The following SMIM14 variants were observed in gnomAD, a reference collection of about 807,000 sequenced individuals.
SMIM14 encodes the protein chromosome 4 open reading frame 34.
SMIM14 carries 5 observed loss-of-function variants against 12.6 expected under a neutral mutation model. The observed-to-expected ratio is 0.40, with a 90% CI of 0.21 to 0.83. The LOEUF (loss-of-function observed/expected upper bound fraction) is 0.83. SMIM14 is among the 40% of genes least tolerant of loss of function. The pLI, the probability that SMIM14 is intolerant of heterozygous loss-of-function variation, is 0.37. For missense variants in SMIM14, 86 were observed against 119.1 expected, an observed-to-expected ratio of 0.72 and a Z score of 1.29; for synonymous variants, 30 against 40.1, an observed-to-expected ratio of 0.75 and a Z score of 0.95.
At chr4:39,630,394 C>T (rs4327496) in intron 1 of SMIM14, among the ~76,000 whole-genome samples, 87,192 of 151,480 alleles carry the variant, frequency 0.58, 25,626 homozygotes, top group East Asian at 0.8. Context: ...TGACAGAGAC[C>T]CTGTTTCTAA....
intron 2 of SMIM14, chr4:39,593,836 A>G (rs1291496195): frequency 6.6e-6 from 1 of 152,216 alleles, no homozygotes; most frequent in Non-Finnish European, 1.5e-5. Flanking sequence ...CTAGGAATCC[A>G]ACTTACAAGG....
rs545137043 is a variant in SMIM14, at chr4:39,606,750, C to T, written c.-35-1570G>A. Among the ~76,000 whole-genome samples, 7 of 152,068 alleles carry T rather than the reference C, an allele frequency of 4.6e-5. No homozygotes were observed. The South Asian group carries it at 1.2e-3, about 27-fold the overall frequency. On this transcript the variant is annotated intron_variant, in intron 1 of 4. Coordinates refer to ENST00000295958, the MANE Select transcript of SMIM14 (RefSeq NM_174921.3). ...CTATCACTGGCCCAGTTTACTGCCT[C>T]GAGGAGACTCTAGTTCCAAGTATGT...
chr4:39,547,526 T>C lies in SMIM14; in HGVS notation c.*4600A>G, dbSNP rs1317641454. On this transcript the variant is annotated 3_prime_UTR_variant, in exon 5 of 5. Transcript: ENST00000295958. Reference sequence around the variant, plus strand: ...CACATGGTAACAAATACCTATGATTTTTCATTTAGAAATATTATAAGAAGA... The same window carrying C: ...CACATGGTAACAAATACCTATGATTCTTCATTTAGAAATATTATAAGAAGA... 6.6e-6 allele frequency: 1 copy of C among 152,220 alleles called. No individual in the cohort carries two copies. Among genetic ancestry groups the C allele is most frequent in the Non-Finnish European group, 1.5e-5 (1 of 68,040 alleles). The allele number at this position is 152,220 out of a possible 1,614,324, so 9.4% of individuals were successfully genotyped here.
At chr4:39,605,967 A>C (rs1022595534) in intron 1 of SMIM14, among the ~76,000 whole-genome samples, 6 of 152,046 alleles carry the variant, frequency 3.9e-5, no homozygotes, top group African/African-American at 1.4e-4. Context: ...TGAACTCCTG[A>C]CCTCAGGTGA....
intron 3 of SMIM14, among the ~76,000 whole-genome samples, chr4:39,570,446 A>T (rs1460816157): frequency 6.6e-6 from 1 of 152,172 alleles, no homozygotes; most frequent in Non-Finnish European, 1.5e-5. Flanking sequence ...GGCGTGAGCC[A>T]CCGTGCCCGG....
At chr4:39,554,098 A>G (rs1039413588) in intron 4 of SMIM14, among the ~76,000 whole-genome samples, 1 of 152,236 alleles carries the variant, frequency 6.6e-6, no homozygotes, top group African/African-American at 2.4e-5. Flanking sequence ...CAACACCACA[A>G]CACTGGAGAA....
At chr4:39,609,600 C>G (rs772242689) in intron 1 of SMIM14, among the ~76,000 whole-genome samples, 19 of 152,124 alleles carry the variant, frequency 1.2e-4, no homozygotes, top group Non-Finnish European at 2.6e-4. Flanking sequence ...GTGCTAGAAT[C>G]TGGATAGCAA....
chr4:39,609,980 G>A (rs1714964894), intron 1 of SMIM14, among the ~76,000 whole-genome samples: 1 of 152,114 alleles, frequency 6.6e-6, no homozygotes, highest in Non-Finnish European at 1.5e-5. Flanking sequence ...ATAAATTCTA[G>A]ACGCATGAGT....
At chr4:39,624,394 G>C (rs1715611988) in intron 1 of SMIM14, among the ~76,000 whole-genome samples, 1 of 152,116 alleles carries the variant, frequency 6.6e-6, no homozygotes, top group South Asian at 2.1e-4. Flanking sequence ...TCTTATACAG[G>C]AAGTCACATT....
intron 2 of SMIM14, 90 bp downstream of exon 2, chr4:39,604,981 T>A: frequency 1.2e-6 from 1 of 810,902 alleles, no homozygotes; most frequent in Non-Finnish European, 2.1e-6. Flanking sequence ...GACCATCAGA[T>A]GAAAACCCTC....
chr4:39,575,435 A>G (rs574551546), intron 2 of SMIM14, among the ~76,000 whole-genome samples: 2 of 152,174 alleles, frequency 1.3e-5, no homozygotes, highest in South Asian at 2.1e-4. Context: ...AGCTCAAGCA[A>G]TCCACCCACC....
In SMIM14 at chr4:39,574,747, C is replaced by CGTT. The variant is rs1323434457; in HGVS notation, c.76-2285_76-2284insAAC. On this transcript the variant is annotated intron_variant, in intron 2 of 4. Coordinates refer to ENST00000295958, the MANE Select transcript of SMIM14 (RefSeq NM_174921.3). ...TGTGCCATACAAATTATGACTTCAA[C>CGTT]TAAACAACTATTGGAATTAACAACT... Among the ~76,000 whole-genome samples, 32 of 152,258 alleles carry CGTT rather than the reference C, an allele frequency of 2.1e-4. No individual in the cohort carries two copies. In the East Asian group the frequency reaches 6.2e-3, roughly 29 times the overall value.
At chr4:39,554,815 T>C (rs1711923008) in intron 4 of SMIM14, among the ~76,000 whole-genome samples, 1 of 150,676 alleles carries the variant, frequency 6.6e-6, no homozygotes, top group Non-Finnish European at 1.5e-5. Flanking sequence ...TAGAGGTAAC[T>C]GGCAAATTCA....
At chr4:39,605,229 T>C (rs1714762096) in intron 1 of SMIM14, 49 bp from the exon 2 acceptor site, 3 of 1,069,934 alleles carry the variant, frequency 2.8e-6, no homozygotes, top group Non-Finnish European at 4.1e-6. Context: ...AGAATTACTC[T>C]TTCTCTTGAG....
chr4:39,616,556 G>A (rs759795086), intron 1 of SMIM14, among the ~76,000 whole-genome samples: 6 of 150,120 alleles, frequency 4.0e-5, no homozygotes. Context: ...ATCCTCCCTG[G>A]TACCCACATC....
intron 1 of SMIM14, 100 bp downstream of exon 1, chr4:39,638,639 A>C (rs1382699042): frequency 2.1e-6 from 2 of 973,402 alleles, no homozygotes; most frequent in Non-Finnish European, 2.4e-6. Flanking sequence ...GTTCTGCCGC[A>C]GCCGCCGCAG....
chr4:39,557,783 G>C (rs1352766687), intron 3 of SMIM14, among the ~76,000 whole-genome samples: 1 of 152,046 alleles, frequency 6.6e-6, no homozygotes, highest in Non-Finnish European at 1.5e-5. Flanking sequence ...ACTCTCCTTT[G>C]GGGGGAAAAA....
In SMIM14 at chr4:39,548,907, T is replaced by A. The variant is rs1281506415; in HGVS notation, c.*3219A>T. 3.9e-5 allele frequency: 6 copies of A among 152,132 alleles called. No homozygotes were observed. Among genetic ancestry groups the A allele is most frequent in the Admixed American group, 3.3e-4 (5 of 15,254 alleles). 9.4% of individuals were successfully genotyped at this position (152,132 alleles called of 1,614,324 possible). On this transcript the variant is annotated 3_prime_UTR_variant, in exon 5 of 5. Transcript: ENST00000295958. ...GAAGAACTAGGAATAAGAATCCAGA[T>A]TTTCTGGCCAGGCACGGTGGCTCAC...
intron 1 of SMIM14, among the ~76,000 whole-genome samples, chr4:39,609,201 C>T (rs1321761789): frequency 6.6e-6 from 1 of 151,954 alleles, no homozygotes; most frequent in African/African-American, 2.4e-5. Context: ...AGGATGGTCT[C>T]GAACTCCTGA....
Sources: gnomAD v4.1 joint callset for allele counts (sites outside exome capture counted in the v4.1 genomes callset) on GRCh38, gnomAD v4.1.1 for gene constraint, MANE v1.5 for transcripts, NCBI Gene and HGNC (gene_info 2026-07-23, HGNC 2026-07-21) for gene names.